Variants in SYNDIG1L observed in about 807,000 individuals in gnomAD.
SYNDIG1L encodes synapse differentiation-inducing gene protein 1-like.
Under a neutral mutation model 20.1 loss-of-function variants are expected in SYNDIG1L, and 13 were observed. The observed-to-expected ratio is 0.65, with a 90% CI of 0.42 to 1.03. The LOEUF is 1.03. Among genes scored for constraint, SYNDIG1L ranks in the 50% least tolerant of loss-of-function variants. The pLI, the probability that SYNDIG1L is intolerant of heterozygous loss-of-function variation, is 0.00. For missense variants in SYNDIG1L, 294 were observed against 305.1 expected, an observed-to-expected ratio of 0.96 and a Z score of 0.27; for synonymous variants, 128 against 129.3, an observed-to-expected ratio of 0.99 and a Z score of 0.07.
At chr14:74,444,546 T>C in the SYNDIG1L span, among the ~76,000 whole-genome samples, 1 of 150,550 alleles carries the variant, frequency 6.6e-6, no homozygotes, top group African/African-American at 2.4e-5. Flanking sequence ...AGCCCAGGAG[T>C]TCGAGATAAG....
the SYNDIG1L span, among the ~76,000 whole-genome samples, chr14:74,466,973 C>A: frequency 6.6e-6 from 1 of 152,196 alleles, no homozygotes; most frequent in Non-Finnish European, 1.5e-5. Context: ...CCCTCAGAAA[C>A]CCCTCACACT....
the SYNDIG1L span, among the ~76,000 whole-genome samples, chr14:74,469,563 C>T: frequency 6.6e-6 from 1 of 152,048 alleles, no homozygotes; most frequent in African/African-American, 2.4e-5. Flanking sequence ...ATGGCTTTCT[C>T]CTCTAACCCT....
the SYNDIG1L span, chr14:74,476,298 T>G: frequency 4.8e-6 from 3 of 624,380 alleles, no homozygotes; most frequent in East Asian, 8.2e-5. Flanking sequence ...TCTGCCATGT[T>G]CAAGGCCAGC....
rs777265755 is a variant in SYNDIG1L at position 74,409,628 on chromosome 14, G to A, written c.117C>T (p.Tyr39=). Residue 39 remains tyrosine, a synonymous_variant, in exon 2 of 4, where the codon TAC becomes TAT. Transcript: ENST00000331628. The part of the protein sequence containing the change: ...PPSWSCQEKL[Y]SYLLGGAGPA... ...GCCCAGCGCCACCTAGGAGGTAGGAGTAGAGCTTTTCCTGGCAGGACCAGC... is the reference window on the plus strand; with the variant it reads ...GCCCAGCGCCACCTAGGAGGTAGGAATAGAGCTTTTCCTGGCAGGACCAGC... 2.7e-6 allele frequency: 4 copies of A among 1,498,796 alleles called. No individual in the cohort carries two copies. Among genetic ancestry groups the A allele is most frequent in the South Asian group, 1.4e-5 (1 of 71,964 alleles). The allele number at this position is 1,498,796 out of a possible 1,614,324, so 92.8% of individuals were successfully genotyped here. A position where few individuals can be genotyped will look rare whatever the true frequency, so the allele number is the denominator to read the frequency against.
At chr14:74,430,487 G>A (rs2086294990), upstream of SYNDIG1L, among the ~76,000 whole-genome samples, 2 of 151,712 alleles carry the variant, frequency 1.3e-5, no homozygotes, top group Non-Finnish European at 2.9e-5. Context: ...CCAGGCTAGA[G>A]TGCAATGGCA....
At chr14:74,433,164 C>CTGG in the SYNDIG1L span, among the ~76,000 whole-genome samples, 1 of 152,048 alleles carries the variant, frequency 6.6e-6, no homozygotes, top group East Asian at 1.9e-4. Flanking sequence ...CTGTGGGGGG[C>CTGG]TGGTGGAATG....
In SYNDIG1L at chr14:74,407,708, A is replaced by T. The variant is rs778232838; in HGVS notation, c.559-15T>A. On this transcript the variant is annotated splice_polypyrimidine_tract_variant and intron_variant, in intron 3 of 3. Transcript: ENST00000331628. ...GCCTTGCTGGTCTAGGGAGAGAGAC[A>T]TGCTGATGAACAGGAGTGTCCCCAC... 6.3e-7 allele frequency: 1 copy of T among 1,592,236 alleles called. No homozygotes were observed. Among genetic ancestry groups the T allele is most frequent in the South Asian group, 1.2e-5 (1 of 86,556 alleles).
At position 74,425,972 on chromosome 14, in the gene SYNDIG1L, T is replaced by C. The variant is rs1405213141; in HGVS notation, c.-118A>G. 2 of 151,908 alleles carry C rather than the reference T, an allele frequency of 1.3e-5. No homozygotes were observed. The highest frequency in any genetic ancestry group is 1.5e-5 in the Non-Finnish European group (1 of 67,834). The allele number at this position is 151,908 out of a possible 1,614,324, so 9.4% of individuals were successfully genotyped here. A position where few individuals can be genotyped will look rare whatever the true frequency, so the allele number is the denominator to read the frequency against. ...GGCTCGGGGGCTCGGCATGGGCCGG[T>C]GAGCGACGGCGCCCCCGCCTCGCGG... On this transcript the variant is annotated 5_prime_UTR_variant, in exon 1 of 4. Transcript: ENST00000331628.
At chr14:74,424,085 A>C (rs1166085581) in intron 1 of SYNDIG1L, among the ~76,000 whole-genome samples, 4 of 152,266 alleles carry the variant, frequency 2.6e-5, no homozygotes, top group Non-Finnish European at 5.9e-5. Context: ...AATCCAGTTC[A>C]TTACTAAAAG....
chr14:74,432,118 C>G, the SYNDIG1L span, among the ~76,000 whole-genome samples: 1 of 147,950 alleles, frequency 6.8e-6, no homozygotes, highest in African/African-American at 2.5e-5. Flanking sequence ...CCCAAGGACT[C>G]TCCTCTTCTT....
At chr14:74,475,450 C>CTTTTTTTTTTTTTTTTTTTTTTTTT in the SYNDIG1L span, among the ~76,000 whole-genome samples, 1 of 149,508 alleles carries the variant, frequency 6.7e-6, no homozygotes, top group African/African-American at 2.5e-5. Flanking sequence ...TTGTATTTAA[C>CTTTTTTTTTTTTTTTTTTTTTTTTT]ATTTTAAATG....
At chr14:74,453,597 G>C in the SYNDIG1L span, among the ~76,000 whole-genome samples, 8 of 151,948 alleles carry the variant, frequency 5.3e-5, no homozygotes, top group Non-Finnish European at 8.8e-5. Context: ...GACACTTATT[G>C]TATGTCAATG....
chr14:74,446,301 T>C, the SYNDIG1L span, among the ~76,000 whole-genome samples: 1 of 152,144 alleles, frequency 6.6e-6, no homozygotes, highest in Non-Finnish European at 1.5e-5. Flanking sequence ...AAAAATTAAC[T>C]AATGTGAGAT....
chr14:74,429,129 G>T (rs1017039975), upstream of SYNDIG1L, among the ~76,000 whole-genome samples: 1 of 152,154 alleles, frequency 6.6e-6, no homozygotes, highest in Non-Finnish European at 1.5e-5. Flanking sequence ...ATGGAAAAGG[G>T]AAAGGCCCAG....
At chr14:74,445,767 G>C in the SYNDIG1L span, among the ~76,000 whole-genome samples, 2 of 152,082 alleles carry the variant, frequency 1.3e-5, no homozygotes, top group African/African-American at 4.8e-5. Flanking sequence ...ATGAGCCACT[G>C]TGCCCAGCCT....
Position 74,410,675 on chromosome 14 carries a change from G to C in SYNDIG1L, c.-57-874C>G, listed in dbSNP as rs138968185. Reference sequence around the variant, plus strand: ...ATTGACAGGACTCAGTGGCAGGTGGGACTTAGGGTTGAGAAAGGATTCATT... The same window carrying C: ...ATTGACAGGACTCAGTGGCAGGTGGCACTTAGGGTTGAGAAAGGATTCATT... On this transcript the variant is annotated intron_variant, in intron 1 of 3. Coordinates refer to ENST00000331628, the MANE Select transcript of SYNDIG1L (RefSeq NM_001105579.2). Among the ~76,000 whole-genome samples, 706 of 152,230 alleles carry C rather than the reference G, an allele frequency of 4.6e-3. 13 individuals carry two copies. The highest frequency in any genetic ancestry group is 0.016 in the African/African-American group (683 of 41,524).
intron 1 of SYNDIG1L, among the ~76,000 whole-genome samples, chr14:74,414,249 C>T (rs1595195786): frequency 6.6e-6 from 1 of 152,124 alleles, no homozygotes. Flanking sequence ...TGCACGCACA[C>T]GTGTGTGTGT....
In SYNDIG1L at chr14:74,421,825, C is replaced by T. The variant is rs543225530; in HGVS notation, c.-58+4087G>A. Among the ~76,000 whole-genome samples the T allele has an allele frequency of 4.6e-3, 705 of 152,284 alleles. 5 individuals are homozygous for T. The highest frequency in any genetic ancestry group is 6.8e-3 in the Non-Finnish European group (462 of 68,012). Reference sequence around the variant, plus strand: ...GGGAACCTGGGAAAGACAGATAAAACAGCTTGAACACTTCTTGGCTCCCAC... The same window carrying T: ...GGGAACCTGGGAAAGACAGATAAAATAGCTTGAACACTTCTTGGCTCCCAC... On this transcript the variant is annotated intron_variant, in intron 1 of 3. Coordinates refer to ENST00000331628, the MANE Select transcript of SYNDIG1L (RefSeq NM_001105579.2).
At chr14:74,435,359 G>A in the SYNDIG1L span, among the ~76,000 whole-genome samples, 1 of 152,176 alleles carries the variant, frequency 6.6e-6, no homozygotes, top group Admixed American at 6.5e-5. Context: ...GTGTACAAAG[G>A]CTGCTTAAAG....
Sources: gnomAD v4.1 joint callset for allele counts (sites outside exome capture counted in the v4.1 genomes callset) on GRCh38, gnomAD v4.1.1 for gene constraint, MANE v1.5 for transcripts, NCBI Gene and HGNC (gene_info 2026-07-23, HGNC 2026-07-21) for gene names.